HSD17B12: variants seen among roughly 807,000 people sequenced by gnomAD.
The protein encoded by HSD17B12 is hydroxysteroid 17-beta dehydrogenase 12, also known as very-long-chain 3-oxoacyl-CoA reductase.
In HSD17B12, 32 loss-of-function variants were observed where a neutral mutation model predicts 39.3. The ratio of observed to expected loss-of-function variants is 0.81; its 90% CI spans 0.61 to 1.09. The LOEUF is 1.09. Ranked by LOEUF, HSD17B12 falls within the 50% of genes least tolerant of loss-of-function variation. The pLI, the probability that HSD17B12 is intolerant of heterozygous loss-of-function variation, is 0.00. For synonymous variants in HSD17B12, 150 were observed against 146.7 expected (o/e 1.02, Z -0.16); for missense variants, 342 against 382.9 (o/e 0.89, Z 0.89).
the HSD17B12 span, among the ~76,000 whole-genome samples, chr11:43,658,558 C>T: frequency 7.2e-5 from 11 of 152,148 alleles, no homozygotes; most frequent in African/African-American, 2.7e-4. Flanking sequence ...TGGTGACATA[C>T]AGATGGGTTT....
intron 9 of HSD17B12, among the ~76,000 whole-genome samples, chr11:43,844,847 A>G (rs1055406441): frequency 1.3e-5 from 2 of 152,238 alleles, no homozygotes; most frequent in Non-Finnish European, 2.9e-5. Context: ...AGTGCAGACA[A>G]TACTCTGATA....
chr11:43,589,375 A>G, the HSD17B12 span, among the ~76,000 whole-genome samples: 2 of 152,190 alleles, frequency 1.3e-5, no homozygotes, highest in African/African-American at 2.4e-5. Context: ...GAAGAATGTG[A>G]TATGGTCCCT....
At chr11:43,604,772 T>G in the HSD17B12 span, among the ~76,000 whole-genome samples, 2 of 152,214 alleles carry the variant, frequency 1.3e-5, no homozygotes, top group Non-Finnish European at 1.5e-5. Context: ...TCCTTCTACC[T>G]CTTAAATGTG....
chr11:43,819,651 A>C (rs1282268695), intron 6 of HSD17B12, among the ~76,000 whole-genome samples: 1 of 152,224 alleles, frequency 6.6e-6, no homozygotes, highest in Non-Finnish European at 1.5e-5. Flanking sequence ...TTCTTCATTG[A>C]CATTGGCATA....
At chr11:43,830,262 C>T (rs1012443785) in intron 6 of HSD17B12, 2 of 152,156 alleles carry the variant, frequency 1.3e-5, no homozygotes, top group African/African-American at 4.8e-5. Context: ...CGGTATTTAA[C>T]TGTGAGGTGA....
chr11:43,798,210 A>G, intron 3 of HSD17B12, 110 bp from the exon 4 acceptor site: 1 of 657,838 alleles, frequency 1.5e-6, no homozygotes, highest in Non-Finnish European at 2.7e-6. Flanking sequence ...TTTGTATCAA[A>G]TTGGGTGGGG....
At chr11:43,706,721 T>TG (rs368772116) in intron 1 of HSD17B12, among the ~76,000 whole-genome samples, 4,736 of 139,040 alleles carry the variant, frequency 0.034, 111 homozygotes, top group African/African-American at 0.061. Context: ...TGTGTGTGTG[T>TG]TGTGGGGGGT....
chr11:43,720,115 A>T (rs914259470), intron 1 of HSD17B12, among the ~76,000 whole-genome samples: 1 of 150,292 alleles, frequency 6.7e-6, no homozygotes, highest in Non-Finnish European at 1.5e-5. Context: ...GATCTTATGG[A>T]CAAACCTCTG....
At chr11:43,826,081 C>CTTTTCT (rs1565102987) in intron 6 of HSD17B12, among the ~76,000 whole-genome samples, 2 of 75,276 alleles carry the variant, frequency 2.7e-5, no homozygotes, top group African/African-American at 4.3e-5. Flanking sequence ...CTTTTTTTTT[C>CTTTTCT]TTTTTTTTTT....
At chr11:43,674,799 C>G in the HSD17B12 span, among the ~76,000 whole-genome samples, 1 of 152,228 alleles carries the variant, frequency 6.6e-6, no homozygotes, top group Non-Finnish European at 1.5e-5. Flanking sequence ...ACCACACCCT[C>G]ACTCAATTTC....
At position 43,855,274 on chromosome 11, in the gene HSD17B12, G is replaced by A; in HGVS notation, c.*26G>A. On this transcript the variant is annotated 3_prime_UTR_variant, in exon 11 of 11. Coordinates refer to ENST00000278353, the MANE Select transcript of HSD17B12 (RefSeq NM_016142.3). ...GCATTGATAACTGCATTGTAACTTG[G>A]CCAGATGCTCCAGCATATGCACGTT... 1 of 1,453,924 alleles carries A rather than the reference G, an allele frequency of 6.9e-7. No homozygotes were observed. The highest frequency in any genetic ancestry group is 9.5e-7 in the Non-Finnish European group (1 of 1,050,958). 90.1% of individuals were successfully genotyped at this position (1,453,924 alleles called of 1,614,324 possible).
chr11:43,673,450 T>G, the HSD17B12 span: 3 of 155,140 alleles, frequency 1.9e-5, no homozygotes, highest in Non-Finnish European at 4.2e-5. Flanking sequence ...ACTCTTCTAC[T>G]CTCCTTTAGT....
At chr11:43,847,276 A>G (rs1228341695) in intron 9 of HSD17B12, among the ~76,000 whole-genome samples, 1 of 152,196 alleles carries the variant, frequency 6.6e-6, no homozygotes, top group African/African-American at 2.4e-5. Context: ...TACCAGAAGA[A>G]AGGTGGGGAT....
chr11:43,608,391 CT>C, the HSD17B12 span, among the ~76,000 whole-genome samples: 2 of 151,404 alleles, frequency 1.3e-5, no homozygotes, highest in South Asian at 2.1e-4. Context: ...AAGTAATAAC[CT>C]TTCCTTAATT....
At chr11:43,775,006 G>A (rs1359085256) in intron 3 of HSD17B12, among the ~76,000 whole-genome samples, 1 of 152,194 alleles carries the variant, frequency 6.6e-6, no homozygotes, top group East Asian at 1.9e-4. Flanking sequence ...ACCCAATCAG[G>A]TGAGCACTCT....
chr11:43,834,668 A>T (rs1200136375), intron 7 of HSD17B12, among the ~76,000 whole-genome samples: 4 of 152,142 alleles, frequency 2.6e-5, no homozygotes, highest in African/African-American at 9.7e-5. Flanking sequence ...ATTTTTTTTT[A>T]ATCCAGGTGA....
intron 4 of HSD17B12, among the ~76,000 whole-genome samples, chr11:43,809,117 G>A (rs560407920): frequency 1.3e-5 from 2 of 152,328 alleles, no homozygotes; most frequent in South Asian, 4.1e-4. Context: ...CGTAATAAAA[G>A]TAGGGTACTT....
the HSD17B12 span, among the ~76,000 whole-genome samples, chr11:43,665,510 T>C: frequency 6.6e-6 from 1 of 152,136 alleles, no homozygotes; most frequent in Non-Finnish European, 1.5e-5. Context: ...TGAGCCACCA[T>C]GCCTGGTGAT....
At chr11:43,750,876 C>G in intron 1 of HSD17B12, 35 bp from the exon 2 acceptor site, 1 of 1,528,074 alleles carries the variant, frequency 6.5e-7, no homozygotes, top group Non-Finnish European at 9.0e-7. Context: ...CAATGTAATT[C>G]TTAGACTAAA....
Sources: gnomAD v4.1 joint callset for allele counts (sites outside exome capture counted in the v4.1 genomes callset) on GRCh38, gnomAD v4.1.1 for gene constraint, MANE v1.5 for transcripts, NCBI Gene and HGNC (gene_info 2026-07-23, HGNC 2026-07-21) for gene names.